SLC44A5: variants seen among roughly 807,000 people sequenced by gnomAD.
SLC44A5 encodes choline transporter-like protein 5.
In SLC44A5, 57 loss-of-function variants were observed where a neutral mutation model predicts 101.8. The ratio of observed to expected loss-of-function variants is 0.56; its 90% CI spans 0.45 to 0.70. SLC44A5 has a LOEUF of 0.70. SLC44A5 is among the 30% of genes least tolerant of loss of function. SLC44A5 has a pLI of 0.00. For synonymous variants in SLC44A5, 281 were observed against 290.9 expected, an observed-to-expected ratio of 0.97 and a Z score of 0.35; for missense variants, 737 against 853.1, an observed-to-expected ratio of 0.86 and a Z score of 1.70.
intron 2 of SLC44A5, among the ~76,000 whole-genome samples, chr1:75,475,904 G>T (rs1249910541): frequency 1.3e-5 from 2 of 152,254 alleles, no homozygotes; most frequent in Non-Finnish European, 2.9e-5. Flanking sequence ...TATCTCAGTG[G>T]CTGGGTGTGG....
chr1:75,692,237 A>G, the SLC44A5 span, among the ~76,000 whole-genome samples: 2 of 122,822 alleles, frequency 1.6e-5, no homozygotes, highest in African/African-American at 6.6e-5. Flanking sequence ...TCTGTTGCCC[A>G]GGCTGGAATG....
the SLC44A5 span, among the ~76,000 whole-genome samples, chr1:75,619,089 G>GT: frequency 3.2e-5 from 2 of 61,718 alleles, no homozygotes; most frequent in Non-Finnish European, 6.7e-5. Context: ...AGGGGGGGGG[G>GT]AAGGAAAGAA....
At chr1:75,628,208 C>T in the SLC44A5 span, among the ~76,000 whole-genome samples, 1 of 152,038 alleles carries the variant, frequency 6.6e-6, no homozygotes, top group Non-Finnish European at 1.5e-5. Context: ...CTCAGGCTCT[C>T]ATTGCTTTAT....
chr1:75,203,910 C>T lies in SLC44A5; in HGVS notation c.2048-77G>A, dbSNP rs1161863628. 16 of 1,379,798 alleles carry T rather than the reference C, an allele frequency of 1.2e-5. No homozygotes were observed. The East Asian group carries it at 1.7e-4, about 14-fold the overall frequency. 85.5% of individuals were successfully genotyped at this position (1,379,798 alleles called of 1,614,324 possible). A position where few individuals can be genotyped will look rare whatever the true frequency, so the allele number is the denominator to read the frequency against. On this transcript the variant is annotated intron_variant, in intron 23 of 23. Transcript: ENST00000370859. ...GTAACACCGCCATCTGCTGTATACTCGCTTTACAGCAGTTCAAAATCCTTT... is the reference window on the plus strand; with the variant it reads ...GTAACACCGCCATCTGCTGTATACTTGCTTTACAGCAGTTCAAAATCCTTT...
rs144530083 is a variant in SLC44A5 at position 75,495,574 on chromosome 1, T to C, written c.13+45861A>G. Among the ~76,000 whole-genome samples, 48 of 151,718 alleles carry C rather than the reference T, an allele frequency of 3.2e-4. No individual in the cohort carries two copies. In the South Asian group the frequency reaches 6.0e-3, roughly 19 times the overall value. On this transcript the variant is annotated intron_variant, in intron 2 of 23. Transcript: ENST00000370859. ...GAAAACAGAAAAGTACCAGGTATCA[T>C]AGAGCTGAATAATACAATAACTGAA...
the SLC44A5 span, among the ~76,000 whole-genome samples, chr1:75,655,696 T>C: frequency 6.6e-6 from 1 of 152,104 alleles, no homozygotes; most frequent in Non-Finnish European, 1.5e-5. Context: ...AAATTTTGTC[T>C]TGCAACCAGG....
intron 3 of SLC44A5, among the ~76,000 whole-genome samples, chr1:75,358,557 T>C (rs757578761): frequency 3.3e-5 from 5 of 152,166 alleles, no homozygotes; most frequent in Non-Finnish European, 5.9e-5. Flanking sequence ...GCATCTCACA[T>C]AGTTACCATT....
intron 3 of SLC44A5, among the ~76,000 whole-genome samples, chr1:75,367,827 T>A (rs531736808): frequency 2.0e-5 from 3 of 152,312 alleles, no homozygotes; most frequent in Admixed American, 2.0e-4. Context: ...GAGCTTACAA[T>A]CACTTACTTG....
At chr1:75,231,459 T>A (rs921068453) in intron 12 of SLC44A5, among the ~76,000 whole-genome samples, 3 of 152,192 alleles carry the variant, frequency 2.0e-5, no homozygotes, top group African/African-American at 7.2e-5. Flanking sequence ...CTAGTGAATG[T>A]GAAAGTCTAG....
intron 1 of SLC44A5, among the ~76,000 whole-genome samples, chr1:75,600,331 G>A (rs1313053894): frequency 6.6e-6 from 1 of 151,872 alleles, no homozygotes; most frequent in Non-Finnish European, 1.5e-5. Flanking sequence ...AAAAATAAAG[G>A]AAAAAAAGTT....
At chr1:75,363,779 T>C (rs921581979) in intron 3 of SLC44A5, among the ~76,000 whole-genome samples, 1 of 152,180 alleles carries the variant, frequency 6.6e-6, no homozygotes, top group Non-Finnish European at 1.5e-5. Flanking sequence ...TGTACTTTCA[T>C]GTGTTTTATG....
the SLC44A5 span, among the ~76,000 whole-genome samples, chr1:75,655,178 T>C: frequency 6.6e-6 from 1 of 152,150 alleles, no homozygotes. Flanking sequence ...ATGACAAAAG[T>C]TATGTAGCTT....
intron 2 of SLC44A5, among the ~76,000 whole-genome samples, chr1:75,476,268 C>G (rs919566350): frequency 6.6e-6 from 1 of 152,214 alleles, no homozygotes; most frequent in African/African-American, 2.4e-5. Flanking sequence ...AACTGGGGAG[C>G]AGCCAAGATG....
At chr1:75,334,952 G>C (rs1439805754) in intron 4 of SLC44A5, among the ~76,000 whole-genome samples, 1 of 152,066 alleles carries the variant, frequency 6.6e-6, no homozygotes, top group Non-Finnish European at 1.5e-5. Context: ...TGCTTGCTTG[G>C]CTGACTCTTC....
At chr1:75,699,355 C>T in the SLC44A5 span, among the ~76,000 whole-genome samples, 3 of 151,978 alleles carry the variant, frequency 2.0e-5, no homozygotes, top group South Asian at 2.1e-4. Context: ...ATTCAACATT[C>T]GTAAAGAAAA....
chr1:75,451,352 G>C lies in SLC44A5; in HGVS notation c.14-54731C>G, dbSNP rs529394174. ...TTCTTACCTATAAGCACAATCTATG[G>C]GCTTGTAGGTTGAACTGCACAGCCC... On this transcript the variant is annotated intron_variant, in intron 2 of 23. Coordinates refer to ENST00000370859, the MANE Select transcript of SLC44A5 (RefSeq NM_001130058.2). 1.8e-4 allele frequency among the ~76,000 whole-genome samples: 27 copies of C among 152,162 alleles called. 1 individual carries two copies. The East Asian group carries it at 4.6e-3, about 26-fold the overall frequency.
intron 6 of SLC44A5, among the ~76,000 whole-genome samples, chr1:75,265,509 A>G (rs1650911214): frequency 2.0e-5 from 3 of 152,176 alleles, no homozygotes; most frequent in South Asian, 4.1e-4. Flanking sequence ...GCATGGAAAG[A>G]TGACTATAGG....
chr1:75,394,442 A>C (rs1405682472), intron 3 of SLC44A5, among the ~76,000 whole-genome samples: 3 of 152,142 alleles, frequency 2.0e-5, no homozygotes, highest in African/African-American at 7.2e-5. Flanking sequence ...TTTTTTAAAT[A>C]AATTTCAGGC....
chr1:75,556,351 G>A (rs985638492), intron 1 of SLC44A5, among the ~76,000 whole-genome samples: 8 of 151,914 alleles, frequency 5.3e-5, no homozygotes, highest in African/African-American at 1.9e-4. Flanking sequence ...AAACAATCTT[G>A]GAAGATGAAA....
Sources: gnomAD v4.1 joint callset for allele counts (sites outside exome capture counted in the v4.1 genomes callset) on GRCh38, gnomAD v4.1.1 for gene constraint, MANE v1.5 for transcripts, NCBI Gene and HGNC (gene_info 2026-07-23, HGNC 2026-07-21) for gene names.